PRKAR1B: variants seen among roughly 807,000 people sequenced by gnomAD.
The protein encoded by PRKAR1B is protein kinase cAMP-dependent type I regulatory subunit beta.
Under a neutral mutation model 46.5 loss-of-function variants are expected in PRKAR1B, and 22 were observed. The ratio of observed to expected loss-of-function variants is 0.47; its 90% confidence interval spans 0.34 to 0.68. The LOEUF (loss-of-function observed/expected upper bound fraction) is 0.68, where lower values mean the gene tolerates loss of function less well. Among genes scored for constraint, PRKAR1B ranks in the 30% least tolerant of loss-of-function variants. PRKAR1B has a pLI of 0.01. For missense variants in PRKAR1B, 445 were observed against 535.6 expected (o/e 0.83, Z 1.67); for synonymous variants, 259 against 217.7 (o/e 1.19, Z -1.67).
chr7:573,046 CTG>C, intron 9 of PRKAR1B, among the ~76,000 whole-genome samples: 1 of 152,330 alleles, frequency 6.6e-6, no homozygotes, highest in Non-Finnish European at 1.5e-5. Flanking sequence ...CCGCACCTGT[CTG>C]ATGCTGTCGG....
Position 621,963 on chromosome 7 carries a change from G to A in PRKAR1B, c.441-14511C>T, listed in dbSNP as rs149047764. Among the ~76,000 whole-genome samples the A allele has an allele frequency of 2.7e-3, 412 of 152,356 alleles. 2 individuals are homozygous for A. The highest frequency in any genetic ancestry group is 9.5e-3 in the African/African-American group (397 of 41,582). ...CAGTGCTGCTAGAAGGGTCACACAT[G>A]TCCCAGAATCCCCCAGGAGTGATGC... On this transcript the variant is annotated intron_variant, in intron 4 of 10. Coordinates refer to ENST00000537384, the MANE Select transcript of PRKAR1B (RefSeq NM_001164760.2).
intron 2 of PRKAR1B, among the ~76,000 whole-genome samples, chr7:688,579 G>A (rs764134336): frequency 2.0e-4 from 30 of 152,060 alleles, no homozygotes; most frequent in Admixed American, 5.2e-4. Context: ...CCTCCCACAC[G>A]AAACACACTT....
At chr7:638,595 C>A (rs1784242255) in intron 4 of PRKAR1B, among the ~76,000 whole-genome samples, 1 of 152,114 alleles carries the variant, frequency 6.6e-6, no homozygotes, top group African/African-American at 2.4e-5. Flanking sequence ...TTGTCTTCCT[C>A]GTAATGACAT....
At chr7:585,877 C>T (rs1015141564) in intron 7 of PRKAR1B, among the ~76,000 whole-genome samples, 16 of 151,932 alleles carry the variant, frequency 1.1e-4, no homozygotes, top group African/African-American at 3.9e-4. Flanking sequence ...TATTTTACCC[C>T]TTCCTGACAT....
At chr7:709,290 CTT>C (rs1003480607) in intron 2 of PRKAR1B, among the ~76,000 whole-genome samples, 3 of 150,806 alleles carry the variant, frequency 2.0e-5, no homozygotes, top group African/African-American at 7.3e-5. Context: ...GCAACTAAGA[CTT>C]ATGTACGTAT....
At chr7:726,447 C>T (rs1781283635) in intron 1 of PRKAR1B, among the ~76,000 whole-genome samples, 1 of 152,172 alleles carries the variant, frequency 6.6e-6, no homozygotes, top group Non-Finnish European at 1.5e-5. Flanking sequence ...AGGCCTATAG[C>T]CCGGGACCCG....
At chr7:607,786 C>T (rs1782189489) in intron 4 of PRKAR1B, 1 of 257,542 alleles carries the variant, frequency 3.9e-6, no homozygotes, top group Admixed American at 5.4e-5. Context: ...TGTGAACATT[C>T]TCCCATCGGT....
chr7:627,469 T>A (rs1783468254), intron 4 of PRKAR1B, among the ~76,000 whole-genome samples: 1 of 152,130 alleles, frequency 6.6e-6, no homozygotes, highest in Non-Finnish European at 1.5e-5. Context: ...CCCCCACGCC[T>A]GAGGGTTTGC....
At chr7:691,529 C>T (rs755600149) in intron 2 of PRKAR1B, 3 of 1,304,392 alleles carry the variant, frequency 2.3e-6, no homozygotes, top group African/African-American at 1.5e-5. Context: ...AAGAGGAGAG[C>T]TGGGCATTAC....
chr7:709,322 T>A (rs999960249), intron 2 of PRKAR1B, among the ~76,000 whole-genome samples: 1 of 151,716 alleles, frequency 6.6e-6, no homozygotes, highest in East Asian at 1.9e-4. Context: ...TATGCATGTA[T>A]GTATGTGTGT....
At chr7:594,402 G>T (rs1781150126) in intron 7 of PRKAR1B, among the ~76,000 whole-genome samples, 1 of 152,168 alleles carries the variant, frequency 6.6e-6, no homozygotes, top group Non-Finnish European at 1.5e-5. Context: ...AGAGGGCTCG[G>T]AGCAGACGCT....
intron 2 of PRKAR1B, among the ~76,000 whole-genome samples, chr7:709,892 C>T (rs1363053623): frequency 6.6e-6 from 1 of 152,120 alleles, no homozygotes; most frequent in Non-Finnish European, 1.5e-5. Context: ...ATCTTCCCAC[C>T]TCGACCTTCC....
chr7:558,141 C>A (rs990987910), intron 9 of PRKAR1B, among the ~76,000 whole-genome samples: 3 of 150,882 alleles, frequency 2.0e-5, no homozygotes, highest in African/African-American at 7.3e-5. Flanking sequence ...TAGTGAGACC[C>A]CATCTCTTAA....
In PRKAR1B at chr7:551,388, C is replaced by T; in HGVS notation, c.973+1G>A. On this transcript the variant is annotated splice_donor_variant, in intron 10 of 10. Transcript: ENST00000537384. LOFTEE classifies it high-confidence loss of function. ...AGGGAGGGGACGCCCACTGGACTCA[C>T]CGAAGTAGTCAGAGGGTCCCAGGCG... is the stretch of plus-strand genomic sequence containing the variant. The T allele has an allele frequency of 6.4e-7, 1 of 1,556,080 alleles. No homozygotes were observed. The highest frequency in any genetic ancestry group is 8.7e-7 in the Non-Finnish European group (1 of 1,149,730).
At chr7:562,182 T>C (rs1778845206) in intron 9 of PRKAR1B, among the ~76,000 whole-genome samples, 1 of 152,036 alleles carries the variant, frequency 6.6e-6, no homozygotes, top group East Asian at 1.9e-4. Context: ...TGGGAGTCTC[T>C]GCAGGTTCCG....
intron 9 of PRKAR1B, among the ~76,000 whole-genome samples, chr7:555,988 T>A (rs1384100098): frequency 6.6e-6 from 1 of 152,128 alleles, no homozygotes; most frequent in Non-Finnish European, 1.5e-5. Context: ...GCCGTCTTCA[T>A]CCCTCCTATG....
intron 9 of PRKAR1B, among the ~76,000 whole-genome samples, chr7:561,045 C>A (rs1046113325): frequency 6.6e-6 from 1 of 152,114 alleles, no homozygotes; most frequent in African/African-American, 2.4e-5. Flanking sequence ...CACATACACA[C>A]AGATGCATAT....
At chr7:690,223 G>A (rs1351892732) in intron 2 of PRKAR1B, among the ~76,000 whole-genome samples, 3 of 151,792 alleles carry the variant, frequency 2.0e-5, no homozygotes, top group African/African-American at 7.3e-5. Flanking sequence ...TTGAACCCAG[G>A]AGGCAGACGT....
At position 593,415 on chromosome 7, in the gene PRKAR1B, C is replaced by T. The variant is rs568907469; in HGVS notation, c.708+2731G>A. On this transcript the variant is annotated intron_variant, in intron 7 of 10. Coordinates refer to ENST00000537384, the MANE Select transcript of PRKAR1B (RefSeq NM_001164760.2). This position sits in a 1 kb window ranked among gnomAD's most constrained non-coding sequence, Gnocchi z 6.1. ...TGCTCCCGTCCAAACCAGCCCGGCGCGGCCAGCTATTCTTAGCGCACAGGG... is the reference window on the plus strand; with the variant it reads ...TGCTCCCGTCCAAACCAGCCCGGCGTGGCCAGCTATTCTTAGCGCACAGGG... 3.9e-5 allele frequency among the ~76,000 whole-genome samples: 6 copies of T among 152,332 alleles called. No individual in the cohort carries two copies. Among genetic ancestry groups the T allele is most frequent in the Admixed American group, 2.0e-4 (3 of 15,304 alleles).
Sources: gnomAD v4.1 joint callset for allele counts (sites outside exome capture counted in the v4.1 genomes callset) on GRCh38, gnomAD v4.1.1 for gene constraint, Gnocchi (gnomAD v3.1) non-coding constraint, MANE v1.5 for transcripts, NCBI Gene and HGNC (gene_info 2026-07-23, HGNC 2026-07-21) for gene names.